Variants in NXPH1 observed in about 807,000 individuals in gnomAD.
The protein encoded by NXPH1 is neurexophilin-1.
NXPH1 carries 5 observed loss-of-function variants against 23.7 expected under a neutral mutation model. The observed-to-expected ratio is 0.21, with a 90% CI of 0.11 to 0.44. The LOEUF is 0.44. Ranked by LOEUF, NXPH1 falls within the 20% of genes least tolerant of loss-of-function variation. The pLI is 0.99. For synonymous variants in NXPH1, 144 were observed against 122.2 expected (o/e 1.18, Z -1.18); for missense variants, 324 against 321.6 (o/e 1.01, Z -0.06).
intron 2 of NXPH1, among the ~76,000 whole-genome samples, chr7:8,731,595 C>T (rs913551791): frequency 6.6e-5 from 10 of 152,234 alleles, no homozygotes; most frequent in African/African-American, 1.2e-4. Flanking sequence ...TTGGAGTACT[C>T]GGCTGTGTGA....
chr7:8,748,739 G>A (rs1429450171), intron 2 of NXPH1, among the ~76,000 whole-genome samples: 1 of 152,140 alleles, frequency 6.6e-6, no homozygotes. Context: ...CAGAGTTTCA[G>A]TTTTGGCTTT....
chr7:8,720,759 A>G lies in NXPH1; in HGVS notation c.55-30249A>G, dbSNP rs144690749. On this transcript the variant is annotated intron_variant, in intron 2 of 2. Transcript: ENST00000405863. Reference sequence around the variant, plus strand: ...TAATATTTTACTCTCTGCAACTACTAAAAACATTGCTTCCTATATGCTCAA... The same window carrying G: ...TAATATTTTACTCTCTGCAACTACTGAAAACATTGCTTCCTATATGCTCAA... Among the ~76,000 whole-genome samples the G allele has an allele frequency of 5.9e-5, 9 of 152,334 alleles. No homozygotes were observed. In the East Asian group the frequency reaches 1.3e-3, roughly 23 times the overall value.
At chr7:8,546,187 G>A (rs1818195600) in intron 2 of NXPH1, among the ~76,000 whole-genome samples, 1 of 151,422 alleles carries the variant, frequency 6.6e-6, no homozygotes, top group Non-Finnish European at 1.5e-5. Context: ...ACATGTTAAA[G>A]AATACTCAGG....
intron 2 of NXPH1, among the ~76,000 whole-genome samples, chr7:8,719,492 C>G (rs900460049): frequency 2.6e-5 from 4 of 152,112 alleles, no homozygotes; most frequent in Admixed American, 2.0e-4. Flanking sequence ...ATTAAGAAAA[C>G]AACCAAAAAT....
At chr7:8,705,117 C>T (rs988379258) in intron 2 of NXPH1, among the ~76,000 whole-genome samples, 4 of 152,082 alleles carry the variant, frequency 2.6e-5, no homozygotes, top group African/African-American at 9.7e-5. Flanking sequence ...AGAGCCAGGA[C>T]TAGGGTAAAG....
intron 2 of NXPH1, among the ~76,000 whole-genome samples, chr7:8,533,428 T>A (rs1817981829): frequency 6.6e-6 from 1 of 152,134 alleles, no homozygotes; most frequent in Non-Finnish European, 1.5e-5. Flanking sequence ...AATCTGATAT[T>A]CTGTCTCCCT....
intron 2 of NXPH1, among the ~76,000 whole-genome samples, chr7:8,474,673 T>G (rs1390760213): frequency 1.3e-5 from 2 of 152,186 alleles, no homozygotes; most frequent in Non-Finnish European, 2.9e-5. Flanking sequence ...ACTTTAATAG[T>G]CGCATACTAA....
At chr7:8,436,160 C>A (rs1472880615) in intron 2 of NXPH1, among the ~76,000 whole-genome samples, 1 of 152,126 alleles carries the variant, frequency 6.6e-6, no homozygotes, top group Non-Finnish European at 1.5e-5. Flanking sequence ...GTGGAAAGAA[C>A]AAATCTGCCC....
intron 2 of NXPH1, among the ~76,000 whole-genome samples, chr7:8,587,458 G>A (rs536337272): frequency 1.3e-4 from 20 of 152,172 alleles, no homozygotes; most frequent in African/African-American, 4.6e-4. Flanking sequence ...GACTATAGGT[G>A]CATGCCACTG....
intron 2 of NXPH1, among the ~76,000 whole-genome samples, chr7:8,712,512 G>A (rs542001923): frequency 3.9e-5 from 6 of 152,124 alleles, no homozygotes; most frequent in African/African-American, 1.2e-4. Context: ...AATACAAAAA[G>A]AACTGGATGA....
intron 2 of NXPH1, among the ~76,000 whole-genome samples, chr7:8,719,605 T>G (rs2115205310): frequency 6.6e-6 from 1 of 152,316 alleles, no homozygotes; most frequent in Non-Finnish European, 1.5e-5. Flanking sequence ...AGTGTTCTGG[T>G]TGCCTAAATG....
chr7:8,458,386 A>G (rs1816636167), intron 2 of NXPH1, among the ~76,000 whole-genome samples: 1 of 152,220 alleles, frequency 6.6e-6, no homozygotes, highest in Non-Finnish European at 1.5e-5. Flanking sequence ...TAGAGAAAAC[A>G]TTCTAATACA....
At chr7:8,561,918 T>A (rs192850594) in intron 2 of NXPH1, among the ~76,000 whole-genome samples, 2 of 151,838 alleles carry the variant, frequency 1.3e-5, no homozygotes, top group Admixed American at 1.3e-4. Context: ...ATTGTATATA[T>A]TTAACAACAT....
In NXPH1 at chr7:8,512,515, G is replaced by C. The variant is rs551928610; in HGVS notation, c.54+76748G>C. ...TCCCCTTTTGGTAGGGGATATTTGA[G>C]AGGGTGATTATGATGAATTTACTTT... On this transcript the variant is annotated intron_variant, in intron 2 of 2. Transcript: ENST00000405863. Among the ~76,000 whole-genome samples the C allele has an allele frequency of 2.6e-5, 4 of 152,196 alleles. No homozygotes were observed. The South Asian group carries it at 8.3e-4, about 32-fold the overall frequency.
intron 2 of NXPH1, among the ~76,000 whole-genome samples, chr7:8,680,266 G>A (rs1821030386): frequency 6.6e-6 from 1 of 152,250 alleles, no homozygotes; most frequent in South Asian, 2.1e-4. Context: ...GTAAGAGTTT[G>A]CTGGTGGTGA....
chr7:8,502,426 A>G (rs1309020285), intron 2 of NXPH1, among the ~76,000 whole-genome samples: 5 of 151,954 alleles, frequency 3.3e-5, no homozygotes, highest in African/African-American at 1.2e-4. Flanking sequence ...ATAAAAGTGC[A>G]TATTATGTAC....
intron 2 of NXPH1, among the ~76,000 whole-genome samples, chr7:8,664,032 A>G (rs1044858357): frequency 6.6e-5 from 10 of 151,802 alleles, no homozygotes; most frequent in African/African-American, 2.4e-4. Flanking sequence ...CTAGAGAAAG[A>G]GAAGTCTTGT....
intron 2 of NXPH1, among the ~76,000 whole-genome samples, chr7:8,672,470 T>C (rs1820886780): frequency 6.7e-6 from 1 of 148,660 alleles, no homozygotes; most frequent in Admixed American, 6.7e-5. Flanking sequence ...TAAAGTATAA[T>C]AATAAAAAAA....
At chr7:8,693,518 A>G (rs1821254823) in intron 2 of NXPH1, among the ~76,000 whole-genome samples, 1 of 152,200 alleles carries the variant, frequency 6.6e-6, no homozygotes, top group Admixed American at 6.5e-5. Flanking sequence ...TTGGCAAAAG[A>G]CTTAATCTTT....
Sources: gnomAD v4.1 joint callset for allele counts (sites outside exome capture counted in the v4.1 genomes callset) on GRCh38, gnomAD v4.1.1 for gene constraint, MANE v1.5 for transcripts, NCBI Gene and HGNC (gene_info 2026-07-23, HGNC 2026-07-21) for gene names.